The following PDZD8 variants were observed in gnomAD, a reference collection of about 807,000 sequenced individuals.
PDZD8 encodes the protein PDZ domain containing 8.
In PDZD8, 14 loss-of-function variants were observed where a neutral mutation model predicts 85.8. That is an observed-to-expected ratio of 0.16 (90% CI 0.11 to 0.26). The LOEUF is 0.26. Ranked by LOEUF, PDZD8 falls within the 10% of genes least tolerant of loss-of-function variation. The pLI is 1.00. For synonymous variants in PDZD8, 592 were observed against 568.6 expected (o/e 1.04, Z -0.59); for missense variants, 1,197 against 1,424.3 (o/e 0.84, Z 2.57).
intron 3 of PDZD8, among the ~76,000 whole-genome samples, chr10:117,309,707 C>T (rs778792966): frequency 3.9e-5 from 6 of 152,114 alleles, no homozygotes; most frequent in African/African-American, 7.2e-5. Flanking sequence ...TGATTTTATC[C>T]ATTGCTGCCA....
chr10:117,296,578 G>A (rs1293622998), intron 3 of PDZD8, among the ~76,000 whole-genome samples: 1 of 152,092 alleles, frequency 6.6e-6, no homozygotes, highest in African/African-American at 2.4e-5. Context: ...CTATATGTTA[G>A]ATAAATCAAG....
rs772378324 is a variant in PDZD8, at chr10:117,290,395, G to A, written c.1099-47C>T. ...TGAAAACTGATTCAATGGATTCCTAGTAATAGAGGAAAAAAACAGTAACAG... is the reference window on the plus strand; with the variant it reads ...TGAAAACTGATTCAATGGATTCCTAATAATAGAGGAAAAAAACAGTAACAG... On this transcript the variant is annotated intron_variant, in intron 3 of 4. Transcript: ENST00000334464. The A allele has an allele frequency of 1.0e-5, 15 of 1,455,960 alleles. No homozygotes were observed. In the East Asian group the frequency reaches 2.8e-4, roughly 27 times the overall value. 90.2% of individuals were successfully genotyped at this position (1,455,960 alleles called of 1,614,324 possible).
At chr10:117,328,335 G>C (rs941114736) in intron 2 of PDZD8, among the ~76,000 whole-genome samples, 1 of 152,088 alleles carries the variant, frequency 6.6e-6, no homozygotes, top group African/African-American at 2.4e-5. Flanking sequence ...TGACTGTCAA[G>C]CTTTAATTCT....
chr10:117,277,481 C>A lies in PDZD8; in HGVS notation c.*5787G>T. ...GGGGTTTGTATAAATAGTGTTGAAA[C>A]TTTATTTTATGTATTTAATTTTATT... On this transcript the variant is annotated 3_prime_UTR_variant, in exon 5 of 5. Coordinates refer to ENST00000334464, the MANE Select transcript of PDZD8 (RefSeq NM_173791.5). The A allele has an allele frequency of 3.2e-6, 1 of 314,898 alleles. No homozygotes were observed. 19.5% of individuals were successfully genotyped at this position (314,898 alleles called of 1,614,324 possible). A position where few individuals can be genotyped will look rare whatever the true frequency, so the allele number is the denominator to read the frequency against.
intron 2 of PDZD8, among the ~76,000 whole-genome samples, chr10:117,328,849 G>C (rs1252172368): frequency 6.6e-6 from 1 of 152,184 alleles, no homozygotes; most frequent in Non-Finnish European, 1.5e-5. Context: ...GCCTCCCAAA[G>C]TGTTGGGATT....
intron 2 of PDZD8, among the ~76,000 whole-genome samples, chr10:117,332,823 A>T (rs1421890208): frequency 3.4e-5 from 5 of 148,964 alleles, no homozygotes; most frequent in Admixed American, 6.7e-5. Flanking sequence ...AAGTTTTTTT[A>T]AAAAAGGATA....
intron 2 of PDZD8, among the ~76,000 whole-genome samples, chr10:117,319,417 ACACACACACACACACACT>A (rs936225925): frequency 1.6e-4 from 15 of 94,762 alleles, no homozygotes; most frequent in African/African-American, 3.8e-4. Context: ...ACACACACAC[ACACACACACACACACACT>A]CTTCATCTAC....
At chr10:117,346,065 ATCCCGTCT>A (rs1554856363) in intron 1 of PDZD8, among the ~76,000 whole-genome samples, 1 of 151,946 alleles carries the variant, frequency 6.6e-6, no homozygotes, top group Non-Finnish European at 1.5e-5. Flanking sequence ...ATATGATGAA[ATCCCGTCT>A]CTACTAAAAA....
intron 3 of PDZD8, among the ~76,000 whole-genome samples, chr10:117,314,462 A>G (rs1038693759): frequency 2.0e-5 from 3 of 152,186 alleles, no homozygotes; most frequent in Non-Finnish European, 2.9e-5. Flanking sequence ...ACCATGTAAC[A>G]CTCAGAAAGA....
At chr10:117,353,292 A>T (rs1452636186) in intron 1 of PDZD8, among the ~76,000 whole-genome samples, 1 of 152,194 alleles carries the variant, frequency 6.6e-6, no homozygotes, top group Non-Finnish European at 1.5e-5. Context: ...TTGGAGTCCT[A>T]GAGGGAGTGG....
rs377273851 is a variant in PDZD8, at chr10:117,323,405, G to A, written c.996-4431C>T. ...TTGCCTGAATATTCAGTCTACTACC[G>A]TTTGAACTACCTTTCTTCTCTGAAA... is the stretch of plus-strand genomic sequence containing the variant. On this transcript the variant is annotated intron_variant, in intron 2 of 4. Transcript: ENST00000334464. Among the ~76,000 whole-genome samples, 4 of 152,074 alleles carry A rather than the reference G, an allele frequency of 2.6e-5. No individual in the cohort carries two copies. The East Asian group carries it at 5.8e-4, about 22-fold the overall frequency.
intron 2 of PDZD8, among the ~76,000 whole-genome samples, chr10:117,339,335 G>A (rs909051338): frequency 2.6e-5 from 4 of 152,280 alleles, no homozygotes; most frequent in African/African-American, 9.6e-5. Flanking sequence ...CCGGAGGATA[G>A]TATACTTGTA....
intron 2 of PDZD8, among the ~76,000 whole-genome samples, chr10:117,334,975 A>G (rs555817523): frequency 1.3e-5 from 2 of 150,558 alleles, no homozygotes; most frequent in East Asian, 1.9e-4. Flanking sequence ...AAACAATTGG[A>G]AAAAAAAAAT....
rs939747164 is a variant in PDZD8 at position 117,313,943 on chromosome 10, A to T, written c.1098+4929T>A. On this transcript the variant is annotated intron_variant, in intron 3 of 4. Transcript: ENST00000334464. ...AAATCCCATCTCCCCATACTTTCAGATCTCTCCTTAACTCTGTTCTAAAAT... is the reference window on the plus strand; with the variant it reads ...AAATCCCATCTCCCCATACTTTCAGTTCTCTCCTTAACTCTGTTCTAAAAT... 2.2e-4 allele frequency among the ~76,000 whole-genome samples: 33 copies of T among 152,118 alleles called. 1 individual carries two copies. Among genetic ancestry groups the T allele is most frequent in the African/African-American group, 8.0e-4 (33 of 41,430 alleles).
intron 1 of PDZD8, among the ~76,000 whole-genome samples, chr10:117,359,527 T>C (rs886198323): frequency 1.3e-5 from 2 of 152,084 alleles, no homozygotes; most frequent in African/African-American, 4.8e-5. Flanking sequence ...CTGGCCAACA[T>C]GGTAAAATCC....
intron 2 of PDZD8, among the ~76,000 whole-genome samples, chr10:117,332,691 G>A (rs181431): frequency 6.6e-6 from 1 of 151,520 alleles, no homozygotes; most frequent in African/African-American, 2.4e-5. Context: ...ATTTTTAGCA[G>A]AAATGGGGTT....
At chr10:117,354,416 T>C (rs1486097701) in intron 1 of PDZD8, among the ~76,000 whole-genome samples, 1 of 152,220 alleles carries the variant, frequency 6.6e-6, no homozygotes, top group Non-Finnish European at 1.5e-5. Flanking sequence ...TATTTCAAAC[T>C]AGCTGTCTCA....
At chr10:117,314,437 C>T (rs1308177678) in intron 3 of PDZD8, among the ~76,000 whole-genome samples, 4 of 152,154 alleles carry the variant, frequency 2.6e-5, no homozygotes, top group African/African-American at 4.8e-5. Context: ...CTTCTTATAA[C>T]GGTTGCCAGT....
intron 1 of PDZD8, among the ~76,000 whole-genome samples, chr10:117,352,846 A>C (rs1220583032): frequency 1.3e-5 from 2 of 152,096 alleles, no homozygotes; most frequent in Admixed American, 1.3e-4. Flanking sequence ...CTTCATTCAA[A>C]GCTCGTAGGG....
Sources: gnomAD v4.1 joint callset for allele counts (sites outside exome capture counted in the v4.1 genomes callset) on GRCh38, gnomAD v4.1.1 for gene constraint, MANE v1.5 for transcripts, NCBI Gene and HGNC (gene_info 2026-07-23, HGNC 2026-07-21) for gene names.